The following KSR1 variants were observed in gnomAD, a reference collection of about 807,000 sequenced individuals.
KSR1 encodes the protein kinase suppressor of ras.
In KSR1, 35 loss-of-function variants were observed where a neutral mutation model predicts 92.9. The ratio of observed to expected loss-of-function variants is 0.38; its 90% CI spans 0.29 to 0.50. The LOEUF (loss-of-function observed/expected upper bound fraction) is 0.50, where lower values mean the gene tolerates loss of function less well. Among genes scored for constraint, KSR1 ranks in the 20% least tolerant of loss-of-function variants. KSR1 has a pLI of 0.94. For synonymous variants in KSR1, 467 were observed against 472.6 expected (o/e 0.99, Z 0.15); for missense variants, 972 against 1,158.5 (o/e 0.84, Z 2.34).
At chr17:27,518,963 C>G (rs769203676) in intron 1 of KSR1, among the ~76,000 whole-genome samples, 1 of 152,134 alleles carries the variant, frequency 6.6e-6, no homozygotes, top group Non-Finnish European at 1.5e-5. Flanking sequence ...AGGAAGTGAC[C>G]GCTCAGGTGT....
rs116273270 is a variant in KSR1 at position 27,547,556 on chromosome 17, C to T, written c.232-3012C>T. Among the ~76,000 whole-genome samples the T allele has an allele frequency of 8.3e-3, 1,258 of 152,242 alleles. 15 individuals are homozygous for T. Among genetic ancestry groups the T allele is most frequent in the African/African-American group, 0.029 (1,192 of 41,522 alleles). On this transcript the variant is annotated intron_variant, in intron 1 of 20. Coordinates refer to ENST00000644974, the MANE Select transcript of KSR1 (RefSeq NM_001394583.1). ...AAAGTTATGGCAGTTATTAGATGCA[C>T]TGTTGGATGTTTAATACTTTAATAA...
intron 1 of KSR1, among the ~76,000 whole-genome samples, chr17:27,490,505 T>G (rs1448985269): frequency 6.6e-6 from 1 of 152,104 alleles, no homozygotes; most frequent in Non-Finnish European, 1.5e-5. Context: ...AAAGCCAATG[T>G]ATAAATAAGG....
chr17:27,597,349 C>T lies in KSR1; in HGVS notation c.1381C>T (p.Pro461Ser), dbSNP rs1428887235. ...CTCCTCCACACCCTCCTCACCGGCG[C>T]CCTTCCCGACATCATCCAACCCATC... ...TTSSTPSSPA[P>S]FPTSSNPSSA... The change falls in exon 10 of 21, where the codon CCC becomes TCC. Residue 461 changes from proline (P) to serine (S), a missense_variant. Transcript: ENST00000644974. The T allele has an allele frequency of 1.2e-6, 2 of 1,613,636 alleles. No homozygotes were observed. Among genetic ancestry groups the T allele is most frequent in the Admixed American group, 3.3e-5 (2 of 59,942 alleles).
rs1367042468 is a variant in KSR1 at position 27,559,464 on chromosome 17, G to A, written c.372+8756G>A. Reference sequence around the variant, plus strand: ...GGCAGCCCTTAGCCATATGTGGCTTGGGGACACTTGAAATGTGTATAGTGC... The same window carrying A: ...GGCAGCCCTTAGCCATATGTGGCTTAGGGACACTTGAAATGTGTATAGTGC... On this transcript the variant is annotated intron_variant, in intron 2 of 20. Transcript: ENST00000644974. The surrounding 1 kb of genome is among the most constrained non-coding windows in gnomAD (Gnocchi z 4.2). 1.3e-5 allele frequency among the ~76,000 whole-genome samples: 2 copies of A among 152,224 alleles called. No individual in the cohort carries two copies. The highest frequency in any genetic ancestry group is 6.5e-5 in the Admixed American group (1 of 15,288).
chr17:27,526,584 C>G, intron 1 of KSR1: 1 of 1,589,710 alleles, frequency 6.3e-7, no homozygotes, highest in Non-Finnish European at 8.6e-7. Flanking sequence ...GTATCAGTTG[C>G]AATTGTAAGA....
chr17:27,512,973 C>T (rs1411721378), intron 1 of KSR1, among the ~76,000 whole-genome samples: 3 of 152,152 alleles, frequency 2.0e-5, no homozygotes, highest in African/African-American at 7.2e-5. Flanking sequence ...CTTACTGCCA[C>T]GCACAACATT....
intron 19 of KSR1, among the ~76,000 whole-genome samples, chr17:27,619,040 T>C (rs960247146): frequency 1.3e-5 from 2 of 152,064 alleles, no homozygotes; most frequent in African/African-American, 4.8e-5. Context: ...AAGTGAAATC[T>C]CCCACAGAGT....
At chr17:27,597,584 T>G in intron 10 of KSR1, 148 bp downstream of exon 10, 1 of 832,182 alleles carries the variant, frequency 1.2e-6, no homozygotes, top group Non-Finnish European at 1.8e-6. Flanking sequence ...CCAAGCACAA[T>G]AGCTCTGAGG....
chr17:27,601,850 G>C (rs770187112), intron 11 of KSR1: 3 of 1,485,798 alleles, frequency 2.0e-6, no homozygotes, highest in Non-Finnish European at 2.8e-6. Flanking sequence ...AGGTCTGCGG[G>C]CTTCTCTTAG....
intron 2 of KSR1, among the ~76,000 whole-genome samples, chr17:27,568,636 C>T (rs1274750858): frequency 6.6e-6 from 1 of 152,198 alleles, no homozygotes; most frequent in African/African-American, 2.4e-5. Flanking sequence ...TCTGTCAGTG[C>T]CTTGACCCCC....
At chr17:27,586,554 C>T (rs1050442112) in intron 5 of KSR1, among the ~76,000 whole-genome samples, 46 of 152,210 alleles carry the variant, frequency 3.0e-4, no homozygotes, top group Middle Eastern at 3.4e-3. Context: ...CCTTAGTGCC[C>T]GGGCAGAAAC....
intron 1 of KSR1, among the ~76,000 whole-genome samples, chr17:27,508,223 G>A (rs369281889): frequency 3.0e-4 from 45 of 152,276 alleles, no homozygotes; most frequent in African/African-American, 9.9e-4. Context: ...CTTTGGAGGC[G>A]TGGACATGGG....
At chr17:27,551,363 G>A (rs889673633) in intron 2 of KSR1, among the ~76,000 whole-genome samples, 4 of 152,136 alleles carry the variant, frequency 2.6e-5, no homozygotes, top group African/African-American at 9.7e-5. Context: ...GTGCGGATTA[G>A]TCCTACTTGG....
intron 3 of KSR1, 108 bp from the exon 4 acceptor site, chr17:27,582,538 A>AT: frequency 2.0e-6 from 2 of 1,001,438 alleles, no homozygotes; most frequent in Non-Finnish European, 2.9e-6. Context: ...TTCCCTTAAG[A>AT]AACAGTGCAG....
intron 1 of KSR1, among the ~76,000 whole-genome samples, chr17:27,546,244 T>G (rs1394168204): frequency 1.3e-5 from 2 of 152,154 alleles, no homozygotes; most frequent in African/African-American, 4.8e-5. Flanking sequence ...ACTGGGGATA[T>G]GAGGGAAATA....
chr17:27,573,649 C>A (rs2072393881), intron 2 of KSR1, among the ~76,000 whole-genome samples: 1 of 152,122 alleles, frequency 6.6e-6, no homozygotes, highest in African/African-American at 2.4e-5. Context: ...AAATAATTTC[C>A]CCTGAAAGGT....
chr17:27,519,643 G>A (rs2069941237), intron 1 of KSR1, among the ~76,000 whole-genome samples: 1 of 152,188 alleles, frequency 6.6e-6, no homozygotes, highest in African/African-American at 2.4e-5. Flanking sequence ...TGCTTGTGGG[G>A]CCTGCAATGT....
intron 1 of KSR1, among the ~76,000 whole-genome samples, chr17:27,519,884 C>G (rs2069951197): frequency 6.6e-6 from 1 of 152,142 alleles, no homozygotes; most frequent in African/African-American, 2.4e-5. Context: ...CTTCATCCAG[C>G]CCAGCTGGGA....
At chr17:27,508,600 G>A (rs2069480208) in intron 1 of KSR1, among the ~76,000 whole-genome samples, 1 of 152,082 alleles carries the variant, frequency 6.6e-6, no homozygotes. Flanking sequence ...AAAACAAAGG[G>A]GACTGGACAC....
Sources: allele counts gnomAD v4.1 joint callset (sites outside exome capture counted in the v4.1 genomes callset), GRCh38; gene constraint gnomAD v4.1.1; non-coding constraint Gnocchi (gnomAD v3.1); transcripts MANE v1.5; gene names NCBI Gene and HGNC (gene_info 2026-07-23, HGNC 2026-07-21).